PPHLN1: variants seen among roughly 807,000 people sequenced by gnomAD.
PPHLN1 encodes periphilin-1.
Under a neutral mutation model 51.3 loss-of-function variants are expected in PPHLN1, and 29 were observed. That is an observed-to-expected ratio of 0.57 (90% confidence interval 0.42 to 0.77). The LOEUF (loss-of-function observed/expected upper bound fraction) is 0.77, where lower values mean the gene tolerates loss of function less well. Among genes scored for constraint, PPHLN1 ranks in the 30% least tolerant of loss-of-function variants. The pLI is 0.00. For missense variants in PPHLN1, 436 were observed against 438.4 expected, an observed-to-expected ratio of 0.99 and a Z score of 0.05; for synonymous variants, 147 against 147.8, an observed-to-expected ratio of 0.99 and a Z score of 0.04.
intron 4 of PPHLN1, among the ~76,000 whole-genome samples, chr12:42,367,288 TC>T (rs1177248444): frequency 6.6e-6 from 1 of 152,196 alleles, no homozygotes; most frequent in Non-Finnish European, 1.5e-5. Flanking sequence ...CTGTGAATAC[TC>T]TTAGGTACTA....
chr12:42,415,017 G>C (rs1319591023), intron 9 of PPHLN1, among the ~76,000 whole-genome samples: 3 of 152,152 alleles, frequency 2.0e-5, no homozygotes. Flanking sequence ...CGTGGTAGCA[G>C]GTTCCCTTGC....
chr12:42,393,533 C>T (rs1300683511), intron 7 of PPHLN1, 37 bp from the exon 8 acceptor site: 3 of 1,531,024 alleles, frequency 2.0e-6, no homozygotes, highest in Non-Finnish European at 2.6e-6. Context: ...TTTAAAAGCC[C>T]TTGAGAATTG....
At chr12:42,372,982 G>T (rs866716942) in intron 4 of PPHLN1, among the ~76,000 whole-genome samples, 1 of 152,158 alleles carries the variant, frequency 6.6e-6, no homozygotes, top group Non-Finnish European at 1.5e-5. Context: ...TCTTGTATAT[G>T]TAAAATTTGT....
chr12:42,443,354 T>C (rs1249502598), downstream of PPHLN1: 2 of 152,326 alleles, frequency 1.3e-5, no homozygotes, highest in Non-Finnish European at 2.9e-5. Flanking sequence ...CATTACTTTT[T>C]ATGCTTATAA....
intron 7 of PPHLN1, among the ~76,000 whole-genome samples, chr12:42,389,063 C>T (rs1014184007): frequency 3.9e-5 from 6 of 152,174 alleles, no homozygotes; most frequent in Non-Finnish European, 5.9e-5. Flanking sequence ...ACAGTGAAGC[C>T]GTGTCTCTAC....
intron 9 of PPHLN1, among the ~76,000 whole-genome samples, chr12:42,429,416 A>G (rs61926596): frequency 0.15 from 22,871 of 152,140 alleles, 1,782 homozygotes; most frequent in Admixed American, 0.2. Flanking sequence ...GCAGTCTACT[A>G]TCTTTCCCAA....
chr12:42,401,941 A>C (rs1428803792), intron 9 of PPHLN1, among the ~76,000 whole-genome samples: 1 of 151,118 alleles, frequency 6.6e-6, no homozygotes, highest in Non-Finnish European at 1.5e-5. Flanking sequence ...TGCAGCCACC[A>C]CCCCCCAGGC....
chr12:42,353,364 A>G (rs1464569276), intron 3 of PPHLN1, among the ~76,000 whole-genome samples: 3 of 152,150 alleles, frequency 2.0e-5, no homozygotes, highest in Non-Finnish European at 2.9e-5. Context: ...TTGACCTCAC[A>G]TTGGCTGTTG....
chr12:42,394,651 T>A (rs1203707365), intron 8 of PPHLN1, among the ~76,000 whole-genome samples: 4 of 152,082 alleles, frequency 2.6e-5, no homozygotes, highest in African/African-American at 9.6e-5. Flanking sequence ...TATCGATTGT[T>A]CTTAAGTGGG....
chr12:42,418,775 T>C (rs1402603677), intron 9 of PPHLN1, among the ~76,000 whole-genome samples: 2 of 152,204 alleles, frequency 1.3e-5, no homozygotes, highest in Non-Finnish European at 2.9e-5. Flanking sequence ...TTATACATTT[T>C]TTTTGTTTTT....
chr12:42,355,218 T>C lies in PPHLN1; in HGVS notation c.295T>C (p.Tyr99His). 6.2e-7 allele frequency: 1 copy of C among 1,612,798 alleles called. No homozygotes were observed. Among genetic ancestry groups the C allele is most frequent in the Non-Finnish European group, 8.5e-7 (1 of 1,178,976 alleles). The change falls in exon 4 of 10, where the codon TAC (tyrosine) becomes CAC (histidine). Residue 99 changes from tyrosine to histidine, a missense_variant. Tyr to His is a moderately conservative substitution (Grantham distance 83). Coordinates refer to ENST00000358314, the MANE Select transcript of PPHLN1 (RefSeq NM_201439.2). The stretch of plus-strand genomic sequence containing the variant: ...TCATTCTGCAAGCAGGCAACCTGAA[T>C]ACAGGTAAAAGGATAAAAATAATAG... ...DDHSASRQPE[Y>H]RDMRDGFRRK...
intron 2 of PPHLN1, among the ~76,000 whole-genome samples, chr12:42,345,228 A>G (rs2072127220): frequency 1.3e-5 from 2 of 152,150 alleles, no homozygotes; most frequent in Admixed American, 6.5e-5. Context: ...AAGCAAACCA[A>G]AGAATTCTTA....
chr12:42,336,366 T>G (rs558522843), intron 2 of PPHLN1, among the ~76,000 whole-genome samples: 12 of 151,538 alleles, frequency 7.9e-5, no homozygotes, highest in South Asian at 4.2e-4. Context: ...TATATGAAAT[T>G]CTAAAAGTAG....
At chr12:42,397,546 TATA>T in intron 8 of PPHLN1, among the ~76,000 whole-genome samples, 1 of 129,598 alleles carries the variant, frequency 7.7e-6, no homozygotes, top group African/African-American at 2.8e-5. Context: ...ACACATTGTG[TATA>T]GGCCTATGTC....
intron 9 of PPHLN1, among the ~76,000 whole-genome samples, chr12:42,424,448 T>C (rs573512756): frequency 6.6e-6 from 1 of 152,360 alleles, no homozygotes; most frequent in South Asian, 2.1e-4. Flanking sequence ...TATTCCTTGG[T>C]AATGTCAACA....
chr12:42,385,378 T>C (rs1200714950), intron 6 of PPHLN1, among the ~76,000 whole-genome samples: 1 of 152,234 alleles, frequency 6.6e-6, no homozygotes, highest in Non-Finnish European at 1.5e-5. Flanking sequence ...CAGGGACATA[T>C]GAATATATGT....
intron 1 of PPHLN1, among the ~76,000 whole-genome samples, chr12:42,329,507 A>G (rs939335737): frequency 6.6e-6 from 1 of 152,194 alleles, no homozygotes; most frequent in Non-Finnish European, 1.5e-5. Context: ...TTCATCAGTG[A>G]ACAAATAGAC....
chr12:42,331,943 T>C (rs2069808681), intron 1 of PPHLN1: 1 of 152,256 alleles, frequency 6.6e-6, no homozygotes, highest in South Asian at 2.1e-4. Context: ...AAACAACATA[T>C]GCCGCTAATC....
chr12:42,334,480 C>T (rs1468692462), intron 1 of PPHLN1, among the ~76,000 whole-genome samples: 1 of 152,098 alleles, frequency 6.6e-6, no homozygotes, highest in Non-Finnish European at 1.5e-5. Context: ...CTTCTTCCAG[C>T]CTTTAATTTT....
Sources: gnomAD v4.1 joint callset for allele counts (sites outside exome capture counted in the v4.1 genomes callset) on GRCh38, gnomAD v4.1.1 for gene constraint, MANE v1.5 for transcripts, NCBI Gene and HGNC (gene_info 2026-07-23, HGNC 2026-07-21) for gene names.